NMNAT1: variants seen among roughly 807,000 people sequenced by gnomAD.
The protein encoded by NMNAT1 is nicotinamide nucleotide adenylyltransferase 1.
A neutral mutation model predicts 16.7 loss-of-function variants in NMNAT1; 11 were observed. The observed-to-expected ratio is 0.66, with a 90% CI of 0.41 to 1.09. The LOEUF is 1.09. NMNAT1 is among the 50% of genes least tolerant of loss of function. The pLI is 0.00. For missense variants in NMNAT1, 280 were observed against 332.3 expected, an observed-to-expected ratio of 0.84 and a Z score of 1.22; for synonymous variants, 110 against 119.8, an observed-to-expected ratio of 0.92 and a Z score of 0.53.
At chr1:9,992,056 ATAAGTAAG>A in the NMNAT1 span, among the ~76,000 whole-genome samples, 1 of 148,704 alleles carries the variant, frequency 6.7e-6, no homozygotes, top group South Asian at 2.2e-4. Flanking sequence ...CTCTAAATAA[ATAAGTAAG>A]TAAATAAATA....
chr1:9,952,620 C>T (rs1271047198), intron 1 of NMNAT1, among the ~76,000 whole-genome samples: 1 of 152,124 alleles, frequency 6.6e-6, no homozygotes, highest in Non-Finnish European at 1.5e-5. Flanking sequence ...TCACGGTGAC[C>T]TCTGCCTCCT....
At chr1:9,994,638 A>G in the NMNAT1 span, among the ~76,000 whole-genome samples, 1 of 120,272 alleles carries the variant, frequency 8.3e-6, no homozygotes. Flanking sequence ...TTTGAGACGG[A>G]GTCTTGCTCT....
At chr1:9,993,383 A>G in the NMNAT1 span, among the ~76,000 whole-genome samples, 2 of 151,738 alleles carry the variant, frequency 1.3e-5, no homozygotes, top group Non-Finnish European at 2.9e-5. Context: ...GGAGGCTGAG[A>G]CAGAATTGCT....
chr1:9,996,415 G>C, the NMNAT1 span, among the ~76,000 whole-genome samples: 2 of 152,116 alleles, frequency 1.3e-5, no homozygotes, highest in South Asian at 4.1e-4. Flanking sequence ...TATCTAGGCG[G>C]TGTTTGTGGC....
intron 1 of NMNAT1, chr1:9,967,599 T>G (rs930153388): frequency 6.6e-6 from 1 of 152,084 alleles, no homozygotes; most frequent in African/African-American, 2.4e-5. Flanking sequence ...AAGAAAATCC[T>G]CTGGGAAAAA....
At chr1:9,975,563 C>A in intron 2 of NMNAT1, 29 bp from the exon 3 acceptor site, 2 of 1,529,960 alleles carry the variant, frequency 1.3e-6, no homozygotes, top group Non-Finnish European at 1.8e-6. Flanking sequence ...ATTTGTTATA[C>A]CTAGTGTGAA....
chr1:9,966,437 A>C (rs1557466107), intron 1 of NMNAT1, among the ~76,000 whole-genome samples: 1 of 151,946 alleles, frequency 6.6e-6, no homozygotes, highest in Non-Finnish European at 1.5e-5. Context: ...ACATGGTGAA[A>C]CCCCATCTCT....
At chr1:9,974,512 C>T (rs1487352474) in intron 2 of NMNAT1, among the ~76,000 whole-genome samples, 2 of 151,960 alleles carry the variant, frequency 1.3e-5, no homozygotes, top group Non-Finnish European at 1.5e-5. Context: ...CCTCAGCCTC[C>T]GGAGTAGCTG....
chr1:9,984,690 T>G lies in NMNAT1; in HGVS notation c.*1989T>G, dbSNP rs1642015863. On this transcript the variant is annotated 3_prime_UTR_variant, in exon 5 of 5. Transcript: ENST00000377205. ...GGCCTGTTTGTTTGATGCTGGGGGT[T>G]TTATGTGTTGTACCCTTTACCCCTT... 6.6e-6 allele frequency: 1 copy of G among 152,146 alleles called. No individual in the cohort carries two copies. Among genetic ancestry groups the G allele is most frequent in the Admixed American group, 6.6e-5 (1 of 15,246 alleles). The allele number at this position is 152,146 out of a possible 1,614,324, so 9.4% of individuals were successfully genotyped here. A position where few individuals can be genotyped will look rare whatever the true frequency, so the allele number is the denominator to read the frequency against.
At chr1:9,980,951 C>G in intron 3 of NMNAT1, 80 bp from the exon 4 acceptor site, 1 of 1,463,492 alleles carries the variant, frequency 6.8e-7, no homozygotes, top group East Asian at 2.5e-5. Context: ...CCACTGTGCC[C>G]AGCTATAAAT....
intron 1 of NMNAT1, among the ~76,000 whole-genome samples, chr1:9,965,327 A>AT (rs1464694917): frequency 1.3e-5 from 2 of 151,786 alleles, no homozygotes; most frequent in Non-Finnish European, 2.9e-5. Flanking sequence ...AAAAAAAAAA[A>AT]AAAAAAAGAT....
intron 2 of NMNAT1, among the ~76,000 whole-genome samples, chr1:9,974,327 G>A (rs552164271): frequency 6.4e-4 from 96 of 151,124 alleles, no homozygotes; most frequent in Middle Eastern, 3.4e-3. Flanking sequence ...CCGGACTCAA[G>A]TGAGCTGCCT....
chr1:9,988,034 G>A (rs1642066293), downstream of NMNAT1, among the ~76,000 whole-genome samples: 1 of 151,968 alleles, frequency 6.6e-6, no homozygotes, highest in Admixed American at 6.6e-5. Context: ...GTCTTGTTCT[G>A]TCACCCAGGC....
chr1:9,986,917 C>T (rs1642051909), downstream of NMNAT1, among the ~76,000 whole-genome samples: 1 of 152,050 alleles, frequency 6.6e-6, no homozygotes, highest in Non-Finnish European at 1.5e-5. Flanking sequence ...GTGGCTCAGC[C>T]TGGGCACAGT....
chr1:9,945,005 G>A (rs1487205312), intron 1 of NMNAT1, among the ~76,000 whole-genome samples: 3 of 152,140 alleles, frequency 2.0e-5, no homozygotes, highest in Non-Finnish European at 4.4e-5. Flanking sequence ...AGGCCAAGGC[G>A]GGCAGATCAC....
chr1:9,958,397 C>T (rs1641318932), intron 1 of NMNAT1, among the ~76,000 whole-genome samples: 1 of 151,564 alleles, frequency 6.6e-6, no homozygotes, highest in African/African-American at 2.4e-5. Context: ...TATTGTTCTC[C>T]CATTATTTAG....
At chr1:9,993,610 A>C in the NMNAT1 span, among the ~76,000 whole-genome samples, 1 of 152,160 alleles carries the variant, frequency 6.6e-6, no homozygotes, top group Non-Finnish European at 1.5e-5. Flanking sequence ...GGGACTCAGA[A>C]GGGAAGCAGC....
At chr1:9,996,097 G>A in the NMNAT1 span, among the ~76,000 whole-genome samples, 2 of 152,026 alleles carry the variant, frequency 1.3e-5, no homozygotes, top group Non-Finnish European at 2.9e-5. Flanking sequence ...GGATCACAAG[G>A]TCATGAGATC....
At chr1:9,974,669 T>A (rs1412185903) in intron 2 of NMNAT1, among the ~76,000 whole-genome samples, 2 of 151,934 alleles carry the variant, frequency 1.3e-5, no homozygotes, top group Non-Finnish European at 2.9e-5. Flanking sequence ...ATTACAGGAG[T>A]GAGCCACCGC....
Sources: gnomAD v4.1 joint callset for allele counts (sites outside exome capture counted in the v4.1 genomes callset) on GRCh38, gnomAD v4.1.1 for gene constraint, MANE v1.5 for transcripts, NCBI Gene and HGNC (gene_info 2026-07-23, HGNC 2026-07-21) for gene names.